HERC2: variants seen among roughly 807,000 people sequenced by gnomAD.
HERC2 encodes the protein HECT and RLD domain containing E3 ubiquitin protein ligase 2.
HERC2 carries 102 observed loss-of-function variants against 537.7 expected under a neutral mutation model. That is an observed-to-expected ratio of 0.19 (90% confidence interval 0.16 to 0.22). The LOEUF (loss-of-function observed/expected upper bound fraction) is 0.22. Among genes scored for constraint, HERC2 ranks in the 10% least tolerant of loss-of-function variants. The probability of loss-of-function intolerance (pLI) is 1.00; values close to 1 mark genes in which losing one functional copy is unlikely to be tolerated. For synonymous variants in HERC2, 2,224 were observed against 2,466.2 expected (o/e 0.90, Z 2.91); for missense variants, 4,236 against 6,198.2 (o/e 0.68, Z 10.63).
At chr15:28,201,627 G>C (rs1277891118) in intron 47 of HERC2, 73 bp from the exon 48 acceptor site, 20 of 937,580 alleles carry the variant, frequency 2.1e-5, no homozygotes, top group African/African-American at 3.4e-5. Context: ...AAATAAGTCT[G>C]TGAAATCTAT....
At chr15:28,309,464 G>T (rs1229563542) in intron 2 of HERC2, among the ~76,000 whole-genome samples, 3 of 152,042 alleles carry the variant, frequency 2.0e-5, no homozygotes, top group African/African-American at 7.2e-5. Context: ...AATCTATTTG[G>T]TCTGATATAA....
intron 7 of HERC2, chr15:28,273,303 G>A (rs1237764742): frequency 1.1e-5 from 5 of 443,772 alleles, no homozygotes; most frequent in Non-Finnish European, 2.0e-5. Context: ...ATAAGTAGAA[G>A]AATATCTAGC....
chr15:28,273,217 C>T (rs1485558733), intron 7 of HERC2: 1 of 598,076 alleles, frequency 1.7e-6, no homozygotes, highest in Non-Finnish European at 3.0e-6. Flanking sequence ...AAAGTGTTCA[C>T]TCAGATACTA....
At chr15:28,213,009 T>C (rs1899433925) in intron 42 of HERC2, 1 of 150,042 alleles carries the variant, frequency 6.7e-6, no homozygotes, top group South Asian at 2.1e-4. Context: ...GTCAGGAGTT[T>C]GAGACCAGCC....
Position 28,111,688 on chromosome 15 carries a change from A to T in HERC2, c.*75T>A. The T allele has an allele frequency of 6.7e-7, 1 of 1,497,056 alleles. No individual in the cohort carries two copies. Among genetic ancestry groups the T allele is most frequent in the Non-Finnish European group, 9.1e-7 (1 of 1,093,550 alleles). The allele number at this position is 1,497,056 out of a possible 1,614,324, so 92.7% of individuals were successfully genotyped here. ...ACGCTTCTCATCAGACACACCAGGCAGCCTACAGTCTACACAGCAGCGAGC... is the reference window on the plus strand; with the variant it reads ...ACGCTTCTCATCAGACACACCAGGCTGCCTACAGTCTACACAGCAGCGAGC... On this transcript the variant is annotated 3_prime_UTR_variant, in exon 93 of 93. Coordinates refer to ENST00000261609, the MANE Select transcript of HERC2 (RefSeq NM_004667.6).
Position 28,176,640 on chromosome 15 carries a change from T to C in HERC2, c.9515-41A>G, listed in dbSNP as rs1288235067. The stretch of plus-strand genomic sequence containing the variant: ...ACATATACTTCAGGCCAGCGTTTCA[T>C]ATCATTCCTACCCACCCAGAAGCAC... On this transcript the variant is annotated intron_variant, in intron 62 of 92. Transcript: ENST00000261609. This position sits in a 1 kb window ranked among gnomAD's most constrained non-coding sequence, Gnocchi z 5.0. 6.2e-7 allele frequency: 1 copy of C among 1,614,018 alleles called. No individual in the cohort carries two copies.
intron 92 of HERC2, 141 bp downstream of exon 92, chr15:28,112,927 GAGA>G: frequency 3.0e-6 from 2 of 671,242 alleles, no homozygotes; most frequent in Admixed American, 2.9e-5. Flanking sequence ...CTTCACATCA[GAGA>G]AGTTCGATGT....
At chr15:28,167,595 T>C in intron 68 of HERC2, 92 bp downstream of exon 68, 2 of 1,474,548 alleles carry the variant, frequency 1.4e-6, no homozygotes, top group Non-Finnish European at 9.5e-7. Context: ...GGGATAGGAA[T>C]AGACTGTGTT....
chr15:28,218,101 T>G (rs1900125423), intron 38 of HERC2, among the ~76,000 whole-genome samples: 1 of 151,412 alleles, frequency 6.6e-6, no homozygotes, highest in Non-Finnish European at 1.5e-5. Context: ...ATCAGTTTGA[T>G]GAGGTTGAAT....
intron 12 of HERC2, among the ~76,000 whole-genome samples, chr15:28,266,717 AAAT>A (rs1407269587): frequency 1.3e-5 from 2 of 152,292 alleles, no homozygotes; most frequent in Non-Finnish European, 2.9e-5. Context: ...GGAAAAGACA[AAAT>A]AATAACAACA....
intron 86 of HERC2, among the ~76,000 whole-genome samples, chr15:28,120,565 G>A (rs1473611688): frequency 6.6e-6 from 1 of 152,164 alleles, no homozygotes; most frequent in African/African-American, 2.4e-5. Context: ...TACACTTGAA[G>A]CAGTATACAT....
chr15:28,212,746 A>G (rs1445037995), intron 42 of HERC2, 163 bp from the exon 43 acceptor site: 16 of 321,132 alleles, frequency 5.0e-5, no homozygotes, highest in Non-Finnish European at 6.7e-5. Flanking sequence ...TAAAGGCAGG[A>G]TAGAGATTTA....
Position 28,214,124 on chromosome 15 carries a change from G to A in HERC2, c.6507C>T (p.Ser2169=), listed in dbSNP as rs1157462216. 2 of 1,614,088 alleles carry A rather than the reference G, an allele frequency of 1.2e-6. No individual in the cohort carries two copies. The highest frequency in any genetic ancestry group is 8.5e-7 in the Non-Finnish European group (1 of 1,180,028). ...AGCTGTGGGTGATGGAGCGGAGCTG[G>A]GAGTTGATGTACTTGTTGATGAGCC... ...WNGLINKYIN[S]QLRSITHSFV... The change falls in exon 41 of 93, where the codon TCC becomes TCT. Residue 2169 remains serine (S), a synonymous_variant. Coordinates refer to ENST00000261609, the MANE Select transcript of HERC2 (RefSeq NM_004667.6).
At chr15:28,114,233 C>T (rs1171967586) in intron 90 of HERC2, among the ~76,000 whole-genome samples, 1 of 152,224 alleles carries the variant, frequency 6.6e-6, no homozygotes, top group Non-Finnish European at 1.5e-5. Flanking sequence ...TGCACAGTCA[C>T]ACCTGGGCGC....
chr15:28,164,452 C>T lies in HERC2; in HGVS notation c.10555-1167G>A, dbSNP rs577075354. On this transcript the variant is annotated intron_variant, in intron 68 of 92. Coordinates refer to ENST00000261609, the MANE Select transcript of HERC2 (RefSeq NM_004667.6). ...CATTATAAATGATGACATTCCAGAA[C>T]ATAACTCACTGAAGGACAGCAAAAG... Among the ~76,000 whole-genome samples, 8 of 152,256 alleles carry T rather than the reference C, an allele frequency of 5.3e-5. No homozygotes were observed. The East Asian group carries it at 1.4e-3, about 26-fold the overall frequency.
At chr15:28,240,687 G>T (rs909855488) in intron 23 of HERC2, among the ~76,000 whole-genome samples, 3 of 152,086 alleles carry the variant, frequency 2.0e-5, no homozygotes, top group Admixed American at 1.3e-4. Flanking sequence ...TATGGCACTG[G>T]ACAGACAAAC....
chr15:28,178,639 A>C (rs775385661), intron 59 of HERC2, among the ~76,000 whole-genome samples: 30 of 152,222 alleles, frequency 2.0e-4, no homozygotes, highest in Non-Finnish European at 2.2e-4. Context: ...TTGGGTTCAT[A>C]GATGGTTTTG....
intron 44 of HERC2, among the ~76,000 whole-genome samples, chr15:28,208,154 G>A (rs1221225074): frequency 1.3e-5 from 2 of 152,066 alleles, no homozygotes; most frequent in Non-Finnish European, 2.9e-5. Flanking sequence ...ACTTTCAATT[G>A]ATTTCTTTCA....
intron 83 of HERC2, among the ~76,000 whole-genome samples, chr15:28,126,608 T>C (rs1199175175): frequency 6.6e-6 from 1 of 152,238 alleles, no homozygotes; most frequent in Non-Finnish European, 1.5e-5. Context: ...GAGACCATTA[T>C]TCTAAGTAAA....
Sources: gnomAD v4.1 joint callset for allele counts (sites outside exome capture counted in the v4.1 genomes callset) on GRCh38, gnomAD v4.1.1 for gene constraint, Gnocchi (gnomAD v3.1) non-coding constraint, MANE v1.5 for transcripts, NCBI Gene and HGNC (gene_info 2026-07-23, HGNC 2026-07-21) for gene names.